The following FNDC3A variants were observed in gnomAD, a reference collection of about 807,000 sequenced individuals.
The protein encoded by FNDC3A is fibronectin type III domain containing 3A, also known as fibronectin type-III domain-containing protein 3A.
A neutral mutation model predicts 148.9 loss-of-function variants in FNDC3A; 32 were observed. That is an observed-to-expected ratio of 0.21 (90% confidence interval 0.16 to 0.29). The LOEUF (loss-of-function observed/expected upper bound fraction) is 0.29, where lower values mean the gene tolerates loss of function less well. FNDC3A is among the 10% of genes least tolerant of loss of function. FNDC3A has a pLI of 1.00. For synonymous variants in FNDC3A, 472 were observed against 473.6 expected (o/e 1.00, Z 0.04); for missense variants, 1,191 against 1,452.8 (o/e 0.82, Z 2.93).
intron 6 of FNDC3A, 72 bp downstream of exon 6, chr13:49,136,673 T>G (rs1882382999): frequency 1.4e-6 from 2 of 1,439,080 alleles, no homozygotes; most frequent in African/African-American, 2.8e-5. Flanking sequence ...AAGTATATTC[T>G]AACCTTTCAG....
In FNDC3A at chr13:49,207,321, G is replaced by A. The variant is rs1593758168; in HGVS notation, c.3523G>A (p.Ala1175Thr). Residue 1175 changes from alanine (A) to threonine (T), a missense_variant, in exon 26 of 26, where the codon GCC becomes ACC. Ala to Thr is a moderately conservative substitution (Grantham distance 58, BLOSUM62 0). Coordinates refer to ENST00000492622, the MANE Select transcript of FNDC3A (RefSeq NM_001079673.2). ...GGCACTGAGTGACGAGCAGTGTGCT[G>A]CCGTCATCCTTGTGCTGTTTGCTTT... is the stretch of plus-strand genomic sequence containing the variant. ...RRALSDEQCA[A>T]VILVLFAFFS... The A allele has an allele frequency of 2.5e-6, 4 of 1,613,826 alleles. No individual in the cohort carries two copies. The highest frequency in any genetic ancestry group is 3.4e-6 in the Non-Finnish European group (4 of 1,179,654).
rs760001875 is a variant in FNDC3A, at chr13:49,197,707, C to A, written c.2341-18C>A. 3 of 1,595,866 alleles carry A rather than the reference C, an allele frequency of 1.9e-6. No individual in the cohort carries two copies. The highest frequency in any genetic ancestry group is 2.3e-5 in the South Asian group (2 of 86,380). ...TCAACATCAAGACTAAGACCTTTAT[C>A]CTTTTCTTAATTTAAAGGTTCCTTT... is the stretch of plus-strand genomic sequence containing the variant. On this transcript the variant is annotated intron_variant, in intron 20 of 25. Coordinates refer to ENST00000492622, the MANE Select transcript of FNDC3A (RefSeq NM_001079673.2).
intron 14 of FNDC3A, among the ~76,000 whole-genome samples, chr13:49,181,966 A>T (rs534121182): frequency 6.6e-6 from 1 of 152,202 alleles, no homozygotes; most frequent in East Asian, 1.9e-4. Flanking sequence ...AAGAAGAATG[A>T]AAATAAAATT....
At chr13:48,984,380 A>G (rs746954103) in intron 1 of FNDC3A, among the ~76,000 whole-genome samples, 13 of 152,206 alleles carry the variant, frequency 8.5e-5, no homozygotes, top group Non-Finnish European at 1.6e-4. Context: ...AGTAAATTTC[A>G]AAAAGAAGTA....
Position 49,144,010 on chromosome 13 carries a change from ACTG to A in FNDC3A, c.820-1765_820-1763del, listed in dbSNP as rs375519087. Among the ~76,000 whole-genome samples, 761 of 149,226 alleles carry A rather than the reference ACTG, an allele frequency of 5.1e-3. 7 individuals carry two copies. Among genetic ancestry groups the A allele is most frequent in the African/African-American group, 0.017 (709 of 40,556 alleles). ...TACTACTACTACTACTACTACTACT[ACTG>A]CTACTACTACTACTACTACTAATAA... On this transcript the variant is annotated intron_variant, in intron 7 of 25. Coordinates refer to ENST00000492622, the MANE Select transcript of FNDC3A (RefSeq NM_001079673.2).
chr13:49,043,576 C>CT (rs1875121861), intron 2 of FNDC3A, among the ~76,000 whole-genome samples: 1 of 152,010 alleles, frequency 6.6e-6, no homozygotes, highest in South Asian at 2.1e-4. Context: ...TTAAAACATG[C>CT]TGTCATGATA....
At chr13:49,193,564 T>TTA (rs1429940590) in intron 19 of FNDC3A, among the ~76,000 whole-genome samples, 2 of 152,172 alleles carry the variant, frequency 1.3e-5, no homozygotes, top group Non-Finnish European at 2.9e-5. Flanking sequence ...ACCTGACCTT[T>TTA]TATATATACT....
At chr13:49,169,926 T>C (rs1371444132) in intron 10 of FNDC3A, among the ~76,000 whole-genome samples, 1 of 152,240 alleles carries the variant, frequency 6.6e-6, no homozygotes, top group East Asian at 1.9e-4. Flanking sequence ...ATTTTATTTG[T>C]GGATATGCTC....
At chr13:49,079,054 T>C (rs1187456377) in intron 3 of FNDC3A, among the ~76,000 whole-genome samples, 1 of 152,184 alleles carries the variant, frequency 6.6e-6, no homozygotes, top group Admixed American at 6.5e-5. Context: ...TATTTAGAAA[T>C]GAAAACTAGG....
intron 12 of FNDC3A, among the ~76,000 whole-genome samples, chr13:49,175,101 T>C (rs1038171576): frequency 9.2e-5 from 14 of 152,104 alleles, no homozygotes; most frequent in African/African-American, 3.4e-4. Context: ...TTCCATAAGG[T>C]AATGTGTATA....
In FNDC3A at chr13:49,159,245, T is replaced by C. The variant is rs544497258; in HGVS notation, c.978-7999T>C. ...ATTTTCACGATATTGATTCTTCCTA[T>C]CCATGAGCATGGAATGTTCTTCCAT... On this transcript the variant is annotated intron_variant, in intron 8 of 25. Coordinates refer to ENST00000492622, the MANE Select transcript of FNDC3A (RefSeq NM_001079673.2). Among the ~76,000 whole-genome samples, 699 of 152,312 alleles carry C rather than the reference T, an allele frequency of 4.6e-3. 7 individuals carry two copies. The highest frequency in any genetic ancestry group is 0.016 in the African/African-American group (672 of 41,570).
intron 3 of FNDC3A, among the ~76,000 whole-genome samples, chr13:49,101,503 C>T (rs1221309439): frequency 2.0e-5 from 3 of 152,118 alleles, no homozygotes; most frequent in East Asian, 1.9e-4. Context: ...TTTAGCTGAA[C>T]GAGTCTACCT....
chr13:49,105,534 A>T (rs563149273), intron 3 of FNDC3A, among the ~76,000 whole-genome samples: 1 of 152,324 alleles, frequency 6.6e-6, no homozygotes, highest in South Asian at 2.1e-4. Flanking sequence ...GTATCTCTAG[A>T]CTAGGTAAGT....
Position 49,145,984 on chromosome 13 carries a change from A to G in FNDC3A, c.977+49A>G, listed in dbSNP as rs565086058. The stretch of plus-strand genomic sequence containing the variant: ...CTCCCATTGTGTAAATTAATGGTTT[A>G]TTATAAAGAGCTTATTACTAATTTT... On this transcript the variant is annotated intron_variant, in intron 8 of 25. Transcript: ENST00000492622. 118 of 1,410,222 alleles carry G rather than the reference A, an allele frequency of 8.4e-5. No individual in the cohort carries two copies. The African/African-American group carries it at 1.5e-3, about 18-fold the overall frequency. 87.4% of individuals were successfully genotyped at this position (1,410,222 alleles called of 1,614,324 possible).
intron 2 of FNDC3A, among the ~76,000 whole-genome samples, chr13:49,040,439 C>T (rs1191494341): frequency 1.3e-5 from 2 of 152,132 alleles, no homozygotes; most frequent in African/African-American, 2.4e-5. Flanking sequence ...GGTATCACAC[C>T]AGTAGAGCAA....
At chr13:49,102,533 C>CT (rs1467541839) in intron 3 of FNDC3A, among the ~76,000 whole-genome samples, 4 of 152,174 alleles carry the variant, frequency 2.6e-5, no homozygotes, top group African/African-American at 9.7e-5. Context: ...CTTAACAAGA[C>CT]TTAACTTCAT....
intron 8 of FNDC3A, among the ~76,000 whole-genome samples, chr13:49,160,535 G>A (rs1167354564): frequency 6.6e-6 from 1 of 151,992 alleles, no homozygotes; most frequent in African/African-American, 2.4e-5. Flanking sequence ...CTTGCTAGCG[G>A]TCTATCAATT....
intron 8 of FNDC3A, chr13:49,146,990 CTA>C (rs1883033023): frequency 4.6e-5 from 7 of 152,092 alleles, no homozygotes; most frequent in Admixed American, 4.6e-4. Flanking sequence ...AGCCTTGTTG[CTA>C]TCTTTTTTCA....
chr13:49,003,782 T>C (rs1952171703), intron 1 of FNDC3A, among the ~76,000 whole-genome samples: 1 of 152,200 alleles, frequency 6.6e-6, no homozygotes, highest in South Asian at 2.1e-4. Context: ...GTTGCAAGAA[T>C]AGTACAAAGA....
Sources: gnomAD v4.1 joint callset for allele counts (sites outside exome capture counted in the v4.1 genomes callset) on GRCh38, gnomAD v4.1.1 for gene constraint, MANE v1.5 for transcripts, NCBI Gene and HGNC (gene_info 2026-07-23, HGNC 2026-07-21) for gene names.